Variants in NEK3 observed in about 807,000 individuals in gnomAD.
The protein encoded by NEK3 is NIMA related kinase 3.
A neutral mutation model predicts 66.0 loss-of-function variants in NEK3; 54 were observed. That is an observed-to-expected ratio of 0.82 (90% CI 0.66 to 1.03). NEK3 has a LOEUF of 1.03. NEK3 is among the 50% of genes least tolerant of loss of function. The pLI, the probability that NEK3 is intolerant of heterozygous loss-of-function variation, is 0.00. For synonymous variants in NEK3, 200 were observed against 206.2 expected, an observed-to-expected ratio of 0.97 and a Z score of 0.26; for missense variants, 593 against 603.0, an observed-to-expected ratio of 0.98 and a Z score of 0.17.
intron 7 of NEK3, among the ~76,000 whole-genome samples, 185 bp from the exon 8 acceptor site, chr13:52,148,654 A>C (rs1044486925): frequency 3.9e-5 from 6 of 152,152 alleles, no homozygotes; most frequent in African/African-American, 1.4e-4. Flanking sequence ...TCTGCTTTTC[A>C]ATCCCCACCC....
intron 15 of NEK3, 43 bp downstream of exon 15, chr13:52,133,646 C>CACACACACACACACACACA (rs56222741): frequency 6.5e-7 from 1 of 1,537,354 alleles, no homozygotes; most frequent in African/African-American, 1.4e-5. Context: ...CACACACACA[C>CACACACACACACACACACA]CCCCAACCCC....
chr13:52,154,025 T>A, intron 3 of NEK3, 33 bp from the exon 4 acceptor site: 1 of 1,601,616 alleles, frequency 6.2e-7, no homozygotes, highest in Non-Finnish European at 8.6e-7. Context: ...AGAAAAGCTG[T>A]AGTGGCTATA....
At chr13:52,156,444 C>T in intron 1 of NEK3, 196 bp from the exon 2 acceptor site, 2 of 310,874 alleles carry the variant, frequency 6.4e-6, no homozygotes, top group Non-Finnish European at 1.2e-5. Context: ...TCTTTGCCCT[C>T]CCTTTTTTGT....
intron 14 of NEK3, among the ~76,000 whole-genome samples, chr13:52,134,095 A>T (rs1442378780): frequency 6.6e-6 from 1 of 152,108 alleles, no homozygotes. Context: ...CAGTGGCATG[A>T]TCATAGCTCA....
intron 10 of NEK3, 82 bp downstream of exon 10, chr13:52,143,833 C>A (rs1478296846): frequency 2.6e-6 from 2 of 757,292 alleles, no homozygotes; most frequent in Admixed American, 2.8e-5. Flanking sequence ...TTTCTAATAA[C>A]TTAAAAATTA....
intron 2 of NEK3, among the ~76,000 whole-genome samples, chr13:52,154,937 A>G (rs1480713004): frequency 6.6e-6 from 1 of 151,340 alleles, no homozygotes; most frequent in East Asian, 2.0e-4. Context: ...AGCCTGGGCA[A>G]TAGAGCAAGA....
At chr13:52,152,386 T>C (rs983509215) in intron 5 of NEK3, among the ~76,000 whole-genome samples, 8 of 152,204 alleles carry the variant, frequency 5.3e-5, no homozygotes, top group African/African-American at 1.7e-4. Flanking sequence ...ACAGTGTGTG[T>C]GTATATATAT....
chr13:52,153,663 A>G (rs968402680), intron 4 of NEK3, among the ~76,000 whole-genome samples: 5 of 152,190 alleles, frequency 3.3e-5, no homozygotes, highest in African/African-American at 1.2e-4. Context: ...TATTCTAAAC[A>G]TGAAAGTTTT....
At position 52,136,141 on chromosome 13, in the gene NEK3, G is replaced by A. The variant is rs773950911; in HGVS notation, c.1149C>T (p.Ser383=). 3 of 1,613,612 alleles carry A rather than the reference G, an allele frequency of 1.9e-6. No individual in the cohort carries two copies. The highest frequency in any genetic ancestry group is 1.7e-6 in the Non-Finnish European group (2 of 1,179,728). ...CTCTATCGTCCTCTGCTGTTAAACT[G>A]GAGGTGAGTATGGATGCATTTTCCA... ...TALENASILT[S]SLTAEDDRGG... The change falls in exon 13 of 16, where the codon TCC becomes TCT. Residue 383 remains serine (S), a synonymous_variant. Coordinates refer to ENST00000610828, the MANE Select transcript of NEK3 (RefSeq NM_002498.3).
chr13:52,146,505 T>G (rs940170788), intron 8 of NEK3, among the ~76,000 whole-genome samples: 1 of 152,194 alleles, frequency 6.6e-6, no homozygotes, highest in Non-Finnish European at 1.5e-5. Context: ...TCCTTAATAC[T>G]CATTCTTGCT....
chr13:52,148,291 A>T, intron 8 of NEK3, 124 bp downstream of exon 8: 1 of 849,118 alleles, frequency 1.2e-6, no homozygotes, highest in East Asian at 2.4e-5. Flanking sequence ...TGCACTGGAA[A>T]CATATACAAA....
chr13:52,136,215 G>A lies in NEK3; in HGVS notation c.1075C>T (p.His359Tyr). 1.2e-6 allele frequency: 2 copies of A among 1,613,788 alleles called. No homozygotes were observed. Among genetic ancestry groups the A allele is most frequent in the Non-Finnish European group, 1.7e-6 (2 of 1,179,738 alleles). The change falls in exon 13 of 16, where the codon CAT (histidine) becomes TAT (tyrosine). Residue 359 changes from histidine (H) to tyrosine (Y), a missense_variant. Transcript: ENST00000610828. The part of the protein sequence containing the change: ...HLRKASSPNL[H>Y]RRQWEKNVPN... ...ACATTTTTCTCCCACTGTCGTCTAT[G>A]AAGATTTGGTGAACTGGCTTTCCTC...
In NEK3 at chr13:52,144,851, C is replaced by G. The variant is rs1956281548; in HGVS notation, c.644G>C (p.Cys215Ser). 1.2e-6 allele frequency: 2 copies of G among 1,611,550 alleles called. No individual in the cohort carries two copies. The highest frequency in any genetic ancestry group is 1.7e-6 in the Non-Finnish European group (2 of 1,178,714). Residue 215 changes from cysteine (C) to serine (S), a missense_variant, in exon 9 of 16, where the codon TGT becomes TCT. Coordinates refer to ENST00000610828, the MANE Select transcript of NEK3 (RefSeq NM_002498.3). ...NSWKNLILKV[C>S]QGCISPLPSH... The stretch of plus-strand genomic sequence containing the variant: ...CGGCAGTGGACTGATGCACCCTTGA[C>G]ATACTTTGAGGATAAGATTTTTCCA...
At position 52,151,136 on chromosome 13, in the gene NEK3, C is replaced by T; in HGVS notation, c.548+10G>A. The stretch of plus-strand genomic sequence containing the variant: ...AATGGGCACCCTGACATCAAATATG[C>T]AGCACTCACCTTTTATTGTTATAAG... On this transcript the variant is annotated intron_variant, in intron 7 of 15. Transcript: ENST00000610828. 6.3e-7 allele frequency: 1 copy of T among 1,598,628 alleles called. No individual in the cohort carries two copies. The highest frequency in any genetic ancestry group is 8.5e-7 in the Non-Finnish European group (1 of 1,171,954).
chr13:52,141,167 A>T, intron 10 of NEK3, 98 bp from the exon 11 acceptor site: 1 of 1,089,358 alleles, frequency 9.2e-7, no homozygotes, highest in Non-Finnish European at 1.3e-6. Flanking sequence ...GAAGTGAGTG[A>T]GGTTATTAAA....
In NEK3 at chr13:52,154,066, G is replaced by C. The variant is rs758674475; in HGVS notation, c.211+14C>G. ...AATTCAGAAATGCACATATCTGGGG[G>C]AATTCGTATTTACCTTCAAATGATT... On this transcript the variant is annotated intron_variant, in intron 3 of 15. Coordinates refer to ENST00000610828, the MANE Select transcript of NEK3 (RefSeq NM_002498.3). The C allele has an allele frequency of 6.2e-7, 1 of 1,605,384 alleles. No individual in the cohort carries two copies. The highest frequency in any genetic ancestry group is 8.5e-7 in the Non-Finnish European group (1 of 1,173,088).
chr13:52,156,615 T>C (rs9535886), intron 1 of NEK3: 124 of 154,452 alleles, frequency 8.0e-4, no homozygotes, highest in Non-Finnish European at 1.5e-3. Context: ...CCTTATCTTA[T>C]GTTAGCTTCC....
At chr13:52,155,387 T>C (rs1292504280) in intron 2 of NEK3, among the ~76,000 whole-genome samples, 1 of 152,230 alleles carries the variant, frequency 6.6e-6, no homozygotes, top group Non-Finnish European at 1.5e-5. Flanking sequence ...TACCAAAGGT[T>C]AGCATTCATT....
intron 1 of NEK3, among the ~76,000 whole-genome samples, chr13:52,158,794 G>C (rs530901019): frequency 6.6e-6 from 1 of 152,290 alleles, no homozygotes; most frequent in Admixed American, 6.5e-5. Context: ...GTTCAGAAAG[G>C]TCCCTGAAAC....
Sources: gnomAD v4.1 joint callset for allele counts (sites outside exome capture counted in the v4.1 genomes callset) on GRCh38, gnomAD v4.1.1 for gene constraint, MANE v1.5 for transcripts, NCBI Gene and HGNC (gene_info 2026-07-23, HGNC 2026-07-21) for gene names.